ELF2: variants seen among roughly 807,000 people sequenced by gnomAD.
The protein encoded by ELF2 is ETS-related transcription factor Elf-2.
A neutral mutation model predicts 54.8 loss-of-function variants in ELF2; 11 were observed. The observed-to-expected ratio is 0.20, with a 90% CI of 0.13 to 0.33. ELF2 has a LOEUF of 0.33. Ranked by LOEUF, ELF2 falls within the 10% of genes least tolerant of loss-of-function variation. The probability of loss-of-function intolerance (pLI) is 1.00; values close to 1 mark genes in which losing one functional copy is unlikely to be tolerated. For synonymous variants in ELF2, 203 were observed against 245.1 expected (o/e 0.83, Z 1.61); for missense variants, 513 against 703.0 (o/e 0.73, Z 3.06).
chr4:139,115,881 G>T (rs1028597948), intron 4 of ELF2, among the ~76,000 whole-genome samples: 1 of 152,114 alleles, frequency 6.6e-6, no homozygotes, highest in Admixed American at 6.6e-5. Flanking sequence ...TCTGTCTGTT[G>T]TCCAGGCTGG....
intron 1 of ELF2, among the ~76,000 whole-genome samples, chr4:139,150,241 C>A (rs1472336483): frequency 6.6e-6 from 1 of 151,986 alleles, no homozygotes; most frequent in Non-Finnish European, 1.5e-5. Context: ...GTGGCAGGTG[C>A]CTGTAATCCC....
chr4:139,134,082 A>AT (rs1737843897), intron 3 of ELF2, among the ~76,000 whole-genome samples: 1 of 152,168 alleles, frequency 6.6e-6, no homozygotes, highest in East Asian at 1.9e-4. Flanking sequence ...ATTAAGTATG[A>AT]TGTTGGCTGT....
At position 139,102,796 on chromosome 4, in the gene ELF2, A is replaced by G. The variant is rs1264689201; in HGVS notation, c.238+22368T>C. Among the ~76,000 whole-genome samples, 5 of 150,628 alleles carry G rather than the reference A, an allele frequency of 3.3e-5. No individual in the cohort carries two copies. In the East Asian group the frequency reaches 9.8e-4, roughly 29 times the overall value. Reference sequence around the variant, plus strand: ...GCGGAGGTTGCAGTGAGCTGAGATCATGCCACTGCACTCCAGCCTGGGCGA... The same window carrying G: ...GCGGAGGTTGCAGTGAGCTGAGATCGTGCCACTGCACTCCAGCCTGGGCGA... On this transcript the variant is annotated intron_variant, in intron 4 of 9. Transcript: ENST00000686138.
intron 1 of ELF2, among the ~76,000 whole-genome samples, chr4:139,152,587 A>C (rs1740115669): frequency 6.6e-6 from 1 of 152,108 alleles, no homozygotes; most frequent in African/African-American, 2.4e-5. Flanking sequence ...TGCCTCAGCC[A>C]GCCAAAGTGC....
intron 1 of ELF2, among the ~76,000 whole-genome samples, chr4:139,149,319 A>G: frequency 6.6e-6 from 1 of 152,230 alleles, no homozygotes; most frequent in East Asian, 1.9e-4. Flanking sequence ...TTTTAAAAGA[A>G]TATCATTTAT....
intron 3 of ELF2, among the ~76,000 whole-genome samples, chr4:139,128,890 C>T (rs187983851): frequency 6.6e-6 from 1 of 152,188 alleles, no homozygotes; most frequent in African/African-American, 2.4e-5. Flanking sequence ...CAGACTCATA[C>T]ATTTATTATT....
At chr4:139,145,809 G>A (rs528767002) in intron 1 of ELF2, among the ~76,000 whole-genome samples, 427 of 152,150 alleles carry the variant, frequency 2.8e-3, no homozygotes, top group African/African-American at 9.9e-3. Context: ...TTCAATAGAT[G>A]CAGAAAAAAC....
upstream of ELF2, among the ~76,000 whole-genome samples, chr4:139,177,398 C>A (rs1743084743): frequency 6.6e-6 from 1 of 151,888 alleles, no homozygotes; most frequent in Non-Finnish European, 1.5e-5. Context: ...CGCCAGTCAC[C>A]GCAGCGCCTG....
chr4:139,161,023 T>A lies in ELF2; in HGVS notation c.-252+15944A>T, dbSNP rs904096014. ...ATGAATGCAGTAAGATCTCTCTGTG[T>A]GTGTCTCCATGTGTGTATACACACA... On this transcript the variant is annotated intron_variant, in intron 1 of 9. Transcript: ENST00000686138. Among the ~76,000 whole-genome samples the A allele has an allele frequency of 3.9e-5, 6 of 152,166 alleles. 1 individual carries two copies. The highest frequency in any genetic ancestry group is 8.8e-5 in the Non-Finnish European group (6 of 68,028).
chr4:139,096,129 T>C (rs1733256182), intron 4 of ELF2, among the ~76,000 whole-genome samples: 4 of 151,928 alleles, frequency 2.6e-5, no homozygotes, highest in Non-Finnish European at 5.9e-5. Context: ...AAAAAGAACA[T>C]TTGTAGCTAT....
At chr4:139,113,236 T>C (rs1370316822) in intron 4 of ELF2, among the ~76,000 whole-genome samples, 1 of 151,986 alleles carries the variant, frequency 6.6e-6, no homozygotes, top group Non-Finnish European at 1.5e-5. Flanking sequence ...CATTTGCCTG[T>C]AGTCCCAGCT....
intron 4 of ELF2, among the ~76,000 whole-genome samples, chr4:139,093,244 C>T (rs1732875856): frequency 6.6e-6 from 1 of 152,060 alleles, no homozygotes; most frequent in Admixed American, 6.6e-5. Context: ...GGATTACAGG[C>T]GTGAGCCACC....
chr4:139,099,787 G>C lies in ELF2; in HGVS notation c.238+25377C>G, dbSNP rs59669187. Among the ~76,000 whole-genome samples, 23 of 152,248 alleles carry C rather than the reference G, an allele frequency of 1.5e-4. No individual in the cohort carries two copies. The East Asian group carries it at 4.4e-3, about 29-fold the overall frequency. On this transcript the variant is annotated intron_variant, in intron 4 of 9. Coordinates refer to ENST00000686138, the MANE Select transcript of ELF2 (RefSeq NM_001331036.3). ...GAACTGAATGCATGACAAGTTGTAG[G>C]TGCTAAAAACAAAACACATTAAATA...
chr4:139,079,458 T>C (rs1201488517), intron 4 of ELF2, among the ~76,000 whole-genome samples: 1 of 152,242 alleles, frequency 6.6e-6, no homozygotes, highest in Non-Finnish European at 1.5e-5. Flanking sequence ...TTACAGATCC[T>C]GTGAAAGGCT....
At chr4:139,158,487 G>A (rs1023565263) in intron 1 of ELF2, among the ~76,000 whole-genome samples, 3 of 152,104 alleles carry the variant, frequency 2.0e-5, no homozygotes, top group African/African-American at 7.2e-5. Context: ...ATGTTTCTCA[G>A]GGCTGCTTCA....
Position 139,152,868 on chromosome 4 carries a change from G to A in ELF2, c.-251-13371C>T, listed in dbSNP as rs150692017. Reference sequence around the variant, plus strand: ...TAGTTGTAATATTAATATAAATACAGCATCAATAACAATAGTGTCATACTT... The same window carrying A: ...TAGTTGTAATATTAATATAAATACAACATCAATAACAATAGTGTCATACTT... On this transcript the variant is annotated intron_variant, in intron 1 of 9. Transcript: ENST00000686138. Among the ~76,000 whole-genome samples, 1,024 of 146,412 alleles carry A rather than the reference G, an allele frequency of 7.0e-3. 18 individuals are homozygous for A. The highest frequency in any genetic ancestry group is 0.025 in the African/African-American group (976 of 39,814).
intron 1 of ELF2, among the ~76,000 whole-genome samples, chr4:139,166,894 A>T (rs2148910508): frequency 6.6e-6 from 1 of 152,312 alleles, no homozygotes; most frequent in African/African-American, 2.4e-5. Context: ...ATAAGAGATT[A>T]AATAATCAAT....
In ELF2 at chr4:139,142,470, T is replaced by C. The variant is rs114347052; in HGVS notation, c.-251-2973A>G. ...GCCAAGTAGGTCCCCTGTAAGGACT[T>C]TGACTTCAGAGAGAAGAAAGGTTTT... On this transcript the variant is annotated intron_variant, in intron 1 of 9. Coordinates refer to ENST00000686138, the MANE Select transcript of ELF2 (RefSeq NM_001331036.3). Among the ~76,000 whole-genome samples, 674 of 152,176 alleles carry C rather than the reference T, an allele frequency of 4.4e-3. 9 individuals carry two copies. Among genetic ancestry groups the C allele is most frequent in the African/African-American group, 0.015 (640 of 41,510 alleles).
chr4:139,085,482 GGTAATATTAATGC>G (rs1157937538), intron 4 of ELF2, among the ~76,000 whole-genome samples: 14 of 152,236 alleles, frequency 9.2e-5, no homozygotes, highest in Non-Finnish European at 1.5e-5. Context: ...TGTTTTCAGT[GGTAATATTAATGC>G]GATATCATCT....
Sources: allele counts gnomAD v4.1 joint callset (sites outside exome capture counted in the v4.1 genomes callset), GRCh38; gene constraint gnomAD v4.1.1; transcripts MANE v1.5; gene names NCBI Gene and HGNC (gene_info 2026-07-23, HGNC 2026-07-21).